Variants in GABRG3 observed in about 807,000 individuals in gnomAD.
The protein encoded by GABRG3 is gamma-aminobutyric acid type A receptor subunit gamma3.
GABRG3 carries 25 observed loss-of-function variants against 48.8 expected under a neutral mutation model. The observed-to-expected ratio is 0.51, with a 90% confidence interval of 0.37 to 0.72. The LOEUF (loss-of-function observed/expected upper bound fraction) is 0.72, where lower values mean the gene tolerates loss of function less well. Ranked by LOEUF, GABRG3 falls within the 30% of genes least tolerant of loss-of-function variation. GABRG3 has a pLI of 0.00. For synonymous variants in GABRG3, 227 were observed against 217.6 expected (o/e 1.04, Z -0.38); for missense variants, 394 against 577.9 (o/e 0.68, Z 3.26).
At chr15:27,263,745 A>G (rs1890831758) in intron 3 of GABRG3, among the ~76,000 whole-genome samples, 1 of 152,046 alleles carries the variant, frequency 6.6e-6, no homozygotes, top group African/African-American at 2.4e-5. Context: ...ATATGGTCCC[A>G]TGTTTAGACA....
At chr15:27,522,339 T>C (rs1204135346) in intron 7 of GABRG3, among the ~76,000 whole-genome samples, 1 of 151,892 alleles carries the variant, frequency 6.6e-6, no homozygotes, top group Non-Finnish European at 1.5e-5. Context: ...GTGAAAATTC[T>C]AAAGCAAGCT....
chr15:27,277,831 A>T (rs1267374139), intron 3 of GABRG3, among the ~76,000 whole-genome samples: 1 of 152,176 alleles, frequency 6.6e-6, no homozygotes, highest in African/African-American at 2.4e-5. Context: ...TATTTCTTTA[A>T]CTTTAAATTT....
chr15:27,018,353 C>A (rs1488461504), intron 2 of GABRG3, among the ~76,000 whole-genome samples: 1 of 152,168 alleles, frequency 6.6e-6, no homozygotes. Flanking sequence ...ATTTGTGGTT[C>A]TGAACTTAAC....
At chr15:27,093,547 T>A (rs1191925576) in intron 3 of GABRG3, among the ~76,000 whole-genome samples, 1 of 152,184 alleles carries the variant, frequency 6.6e-6, no homozygotes, top group Non-Finnish European at 1.5e-5. Flanking sequence ...TTCTCTTGAC[T>A]TCTAATGTTG....
chr15:27,275,833 T>G (rs1025186331), intron 3 of GABRG3, among the ~76,000 whole-genome samples: 1 of 152,062 alleles, frequency 6.6e-6, no homozygotes, highest in Admixed American at 6.6e-5. Context: ...GCAGGTCCGA[T>G]GGGGAGGCTT....
At chr15:27,425,217 T>C (rs1048795638) in intron 5 of GABRG3, among the ~76,000 whole-genome samples, 9 of 152,118 alleles carry the variant, frequency 5.9e-5, no homozygotes, top group African/African-American at 2.2e-4. Context: ...GGGCTGACTG[T>C]AGTCTGCATT....
Position 27,539,495 on chromosome 15 carries a change from A to G in GABRG3, c.*6614A>G, listed in dbSNP as rs1891619692. The G allele has an allele frequency of 6.6e-6, 1 of 152,230 alleles. No individual in the cohort carries two copies. The highest frequency in any genetic ancestry group is 2.4e-5 in the African/African-American group (1 of 41,450). 9.4% of individuals were successfully genotyped at this position (152,230 alleles called of 1,614,324 possible). ...ATAAAAGATTATTGGAAACACCTTAAGTAGTCCTAACCCACTGTCAGCTTC... is the reference window on the plus strand; with the variant it reads ...ATAAAAGATTATTGGAAACACCTTAGGTAGTCCTAACCCACTGTCAGCTTC... On this transcript the variant is annotated 3_prime_UTR_variant, in exon 10 of 10. Transcript: ENST00000615808.
intron 3 of GABRG3, among the ~76,000 whole-genome samples, chr15:27,220,543 G>A (rs555702984): frequency 1.1e-4 from 17 of 152,238 alleles, no homozygotes; most frequent in East Asian, 5.8e-4. Context: ...ATTCAGTCCC[G>A]TTTCCCCCTT....
At chr15:27,337,614 C>T (rs1322819144) in intron 5 of GABRG3, among the ~76,000 whole-genome samples, 1 of 152,194 alleles carries the variant, frequency 6.6e-6, no homozygotes, top group East Asian at 1.9e-4. Context: ...ACAAGATGCA[C>T]ATCTTCAAAA....
chr15:27,183,122 A>AT (rs375849491), intron 3 of GABRG3, among the ~76,000 whole-genome samples: 12 of 150,396 alleles, frequency 8.0e-5, no homozygotes, highest in African/African-American at 1.5e-4. Context: ...TTTTTTTTCA[A>AT]TTTTTTTTTC....
intron 3 of GABRG3, among the ~76,000 whole-genome samples, chr15:27,252,557 G>A (rs1890493848): frequency 6.6e-6 from 1 of 152,174 alleles, no homozygotes; most frequent in Admixed American, 6.5e-5. Flanking sequence ...TAAACCCGCT[G>A]GTCCTCTGAG....
intron 3 of GABRG3, among the ~76,000 whole-genome samples, chr15:27,296,175 A>G (rs1891976758): frequency 6.6e-6 from 1 of 152,218 alleles, no homozygotes; most frequent in Admixed American, 6.5e-5. Flanking sequence ...GCTGAAAGCA[A>G]GTGACCCTAG....
At chr15:27,248,841 G>C (rs997638696) in intron 3 of GABRG3, among the ~76,000 whole-genome samples, 6 of 148,774 alleles carry the variant, frequency 4.0e-5, no homozygotes, top group African/African-American at 1.2e-4. Context: ...GAGAGACAGA[G>C]AGAAGCTGCT....
chr15:27,004,071 G>A (rs546423123), intron 2 of GABRG3, among the ~76,000 whole-genome samples: 11 of 149,176 alleles, frequency 7.4e-5, no homozygotes, highest in African/African-American at 2.2e-4. Flanking sequence ...CTGACCCGGC[G>A]GGGGGCTGAC....
At chr15:27,130,255 A>C (rs561841265) in intron 3 of GABRG3, among the ~76,000 whole-genome samples, 8 of 152,200 alleles carry the variant, frequency 5.3e-5, no homozygotes, top group Non-Finnish European at 1.0e-4. Context: ...TCCCAACTTC[A>C]TTCTTTTGCT....
chr15:27,105,884 T>C (rs1211489899), intron 3 of GABRG3, among the ~76,000 whole-genome samples: 26 of 152,106 alleles, frequency 1.7e-4, no homozygotes, highest in Admixed American at 1.7e-3. Flanking sequence ...TAAGTGTATA[T>C]GGATGGACAA....
At chr15:27,069,502 G>T (rs1896792512) in intron 3 of GABRG3, among the ~76,000 whole-genome samples, 1 of 152,192 alleles carries the variant, frequency 6.6e-6, no homozygotes. Flanking sequence ...ACTCGCGCAG[G>T]AATCAAAACT....
At position 27,534,218 on chromosome 15, in the gene GABRG3, T is replaced by C. The variant is rs1407222135; in HGVS notation, c.*1337T>C. On this transcript the variant is annotated 3_prime_UTR_variant, in exon 10 of 10. Coordinates refer to ENST00000615808, the MANE Select transcript of GABRG3 (RefSeq NM_033223.5). ...ATTTTCAACTCAAACCAACTTTAGA[T>C]GCAAAAAAATGGGCAATGGTGATCA... 6.6e-6 allele frequency: 1 copy of C among 151,910 alleles called. No individual in the cohort carries two copies. Among genetic ancestry groups the C allele is most frequent in the Admixed American group, 6.5e-5 (1 of 15,272 alleles). 9.4% of individuals were successfully genotyped at this position (151,910 alleles called of 1,614,324 possible).
chr15:27,046,747 C>T (rs968495384), intron 3 of GABRG3, among the ~76,000 whole-genome samples: 3 of 152,186 alleles, frequency 2.0e-5, no homozygotes, highest in African/African-American at 7.2e-5. Flanking sequence ...AATAGGCACA[C>T]ACCTTTAAAA....
Sources: allele counts gnomAD v4.1 joint callset (sites outside exome capture counted in the v4.1 genomes callset), GRCh38; gene constraint gnomAD v4.1.1; transcripts MANE v1.5; gene names NCBI Gene and HGNC (gene_info 2026-07-23, HGNC 2026-07-21).